Variants in LAMP5 observed in about 807,000 individuals in gnomAD.
The protein encoded by LAMP5 is lysosome associated membrane protein 5.
In LAMP5, 36 loss-of-function variants were observed where a neutral mutation model predicts 30.2. The observed-to-expected ratio is 1.19, with a 90% CI of 0.91 to 1.57. The LOEUF (loss-of-function observed/expected upper bound fraction) is 1.57. Among genes scored for constraint, LAMP5 ranks in the 40% most tolerant of loss-of-function variants. LAMP5 has a pLI of 0.00. For synonymous variants in LAMP5, 149 were observed against 134.6 expected (o/e 1.11, Z -0.74); for missense variants, 377 against 354.9 (o/e 1.06, Z -0.50).
In LAMP5 at chr20:9,518,062, G is replaced by T. The variant is rs770314595; in HGVS notation, c.498G>T (p.Ser166=). 1.2e-6 allele frequency: 2 copies of T among 1,613,866 alleles called. No homozygotes were observed. The highest frequency in any genetic ancestry group is 1.7e-6 in the Non-Finnish European group (2 of 1,180,010). ...TAGCTGGGAAGCACACAGCCAACTCGCACCACCTCTCTGCCTTGGTCACCC... is the reference window on the plus strand; with the variant it reads ...TAGCTGGGAAGCACACAGCCAACTCTCACCACCTCTCTGCCTTGGTCACCC... ...AVSAGKHTAN[S]HHLSALVTPA... is the part of the protein sequence containing the mutation. Residue 166 remains serine (S), a synonymous_variant, in exon 5 of 6, where the codon TCG becomes TCT. Transcript: ENST00000246070.
chr20:9,525,415 G>A (rs2045105917), intron 5 of LAMP5, among the ~76,000 whole-genome samples: 1 of 152,038 alleles, frequency 6.6e-6, no homozygotes, highest in African/African-American at 2.4e-5. Flanking sequence ...CTGTAAATTA[G>A]GTGTCATATC....
chr20:9,524,565 A>G (rs1382361472), intron 5 of LAMP5, among the ~76,000 whole-genome samples: 1 of 146,932 alleles, frequency 6.8e-6, no homozygotes, highest in East Asian at 2.0e-4. Flanking sequence ...TTATGGGTTC[A>G]TAATCCCTCA....
intron 1 of LAMP5, 153 bp downstream of exon 1, chr20:9,515,069 C>T: frequency 1.4e-6 from 1 of 698,146 alleles, no homozygotes; most frequent in Non-Finnish European, 2.5e-6. Context: ...GGAGGGAGGG[C>T]CTTCCTCGCC....
Position 9,529,974 on chromosome 20 carries a change from T to C in LAMP5, c.*154T>C, listed in dbSNP as rs1455603705. ...GGCTTGCTTGGCTTGTGTCCATGCT[T>C]AAACCCACGGAAGGGGGAGACTCTT... On this transcript the variant is annotated 3_prime_UTR_variant, in exon 6 of 6. Transcript: ENST00000246070. 3 of 659,954 alleles carry C rather than the reference T, an allele frequency of 4.5e-6. No individual in the cohort carries two copies. Among genetic ancestry groups the C allele is most frequent in the Admixed American group, 3.0e-5 (1 of 33,798 alleles). 40.9% of individuals were successfully genotyped at this position (659,954 alleles called of 1,614,324 possible).
intron 5 of LAMP5, among the ~76,000 whole-genome samples, chr20:9,524,616 A>AG (rs773669069): frequency 7.4e-6 from 1 of 135,508 alleles, no homozygotes; most frequent in Non-Finnish European, 1.5e-5. Context: ...AAAAAAAAAA[A>AG]CAAACAAAAA....
At position 9,516,098 on chromosome 20, in the gene LAMP5, T is replaced by C; in HGVS notation, c.336T>C (p.Asp112=). 1 of 1,550,826 alleles carries C rather than the reference T, an allele frequency of 6.4e-7. No individual in the cohort carries two copies. Among genetic ancestry groups the C allele is most frequent in the Non-Finnish European group, 8.7e-7 (1 of 1,154,490 alleles). ...SQSELQVFWV[D]RAYALKMLFV... ...CGGAGCTGCAAGTGTTCTGGGTGGA[T>C]CGCGCATATGCACTCAAAATGCTCT... The change falls in exon 3 of 6, where the codon GAT becomes GAC. Residue 112 remains aspartate, a synonymous_variant. Transcript: ENST00000246070.
At chr20:9,527,250 G>A (rs1270430169) in intron 5 of LAMP5, among the ~76,000 whole-genome samples, 1 of 151,996 alleles carries the variant, frequency 6.6e-6, no homozygotes, top group Non-Finnish European at 1.5e-5. Context: ...TTCAGATCAG[G>A]CTTCATTTAC....
At chr20:9,515,738 C>T in intron 2 of LAMP5, 113 bp downstream of exon 2, 2 of 1,207,070 alleles carry the variant, frequency 1.7e-6, no homozygotes, top group Non-Finnish European at 1.2e-6. Context: ...CACACCCCGG[C>T]AGGCTGCTCC....
rs57044542 is a variant in LAMP5 at position 9,526,858 on chromosome 20, GTGTATATATATATATATA to G, written c.665-2782_665-2765del. Among the ~76,000 whole-genome samples the G allele has an allele frequency of 7.2e-3, 653 of 90,650 alleles. 11 individuals are homozygous for G. The highest frequency in any genetic ancestry group is 0.022 in the African/African-American group (560 of 25,276). 59.5% of individuals were successfully genotyped at this position (90,650 alleles called of 152,430 possible). ...TAGATACATATACATATGTGTGTGT[GTGTATATATATATATATA>G]TATATATATATATATATATATATAT... On this transcript the variant is annotated intron_variant, in intron 5 of 5. Transcript: ENST00000246070.
intron 5 of LAMP5, among the ~76,000 whole-genome samples, chr20:9,518,752 G>A (rs926475): frequency 0.73 from 110,741 of 152,242 alleles, 40,365 homozygotes; most frequent in South Asian, 0.83. Flanking sequence ...TTGTTCTCTC[G>A]GATACTTCTA....
chr20:9,515,429 G>C lies in LAMP5; in HGVS notation c.65-24G>C, dbSNP rs746113219. ...CGCGTGGGCTGAGCCCTGAACTGAT[G>C]GAATTGTTTTGTTTGTTCCGCAGAT... On this transcript the variant is annotated intron_variant, in intron 1 of 5. Coordinates refer to ENST00000246070, the MANE Select transcript of LAMP5 (RefSeq NM_012261.4). 2.5e-6 allele frequency: 4 copies of C among 1,606,748 alleles called. No homozygotes were observed. The African/African-American group carries it at 5.3e-5, about 21-fold the overall frequency.
At chr20:9,515,412 C>T in intron 1 of LAMP5, 41 bp from the exon 2 acceptor site, 4 of 1,580,940 alleles carry the variant, frequency 2.5e-6, no homozygotes, top group Middle Eastern at 1.7e-4. Context: ...GACGCGTGGG[C>T]TGAGCCCTGA....
chr20:9,518,827 G>A (rs936104837), intron 5 of LAMP5, among the ~76,000 whole-genome samples: 20 of 152,324 alleles, frequency 1.3e-4, no homozygotes, highest in African/African-American at 4.3e-4. Context: ...GGGTGGGTGC[G>A]TATGCACAGA....
chr20:9,518,232 AGTT>A lies in LAMP5; in HGVS notation c.664+9_664+11del. 6.2e-7 allele frequency: 1 copy of A among 1,613,656 alleles called. No homozygotes were observed. The highest frequency in any genetic ancestry group is 1.7e-4 in the Middle Eastern group (1 of 6,058). ...TCAGATTTTGTCTTCAGTGAAGGTA[AGTT>A]GTTGGGGGATGGAGGGGAAGAAGAC... On this transcript the variant is annotated splice_donor_5th_base_variant and intron_variant, in intron 5 of 5. Transcript: ENST00000246070.
chr20:9,528,694 T>C (rs1001495223), intron 5 of LAMP5, among the ~76,000 whole-genome samples: 1 of 152,212 alleles, frequency 6.6e-6, no homozygotes, highest in African/African-American at 2.4e-5. Context: ...TTTGCAACCA[T>C]GTAAACATCT....
intron 4 of LAMP5, 39 bp from the exon 5 acceptor site, chr20:9,518,001 A>G (rs368702066): frequency 8.2e-5 from 62 of 759,178 alleles, no homozygotes; most frequent in Non-Finnish European, 1.1e-4. Context: ...GGTTAGGAAC[A>G]ATGAGGGTTC....
chr20:9,529,266 A>G (rs541189082), intron 5 of LAMP5, among the ~76,000 whole-genome samples: 1 of 152,306 alleles, frequency 6.6e-6, no homozygotes, highest in East Asian at 1.9e-4. Context: ...TGAAACTTAC[A>G]TATTTTTATA....
rs2045138567 is a variant in LAMP5, at chr20:9,529,835, G to A, written c.*15G>A. 6.2e-7 allele frequency: 1 copy of A among 1,612,594 alleles called. No individual in the cohort carries two copies. The highest frequency in any genetic ancestry group is 1.3e-5 in the African/African-American group (1 of 74,870). ...ACATGGGCTAGAGGCCGTTAGGCAG[G>A]CACCCCCTATTCCTGCTCCCCCAAC... On this transcript the variant is annotated 3_prime_UTR_variant, in exon 6 of 6. Transcript: ENST00000246070.
chr20:9,524,429 A>G (rs2122842882), intron 5 of LAMP5, among the ~76,000 whole-genome samples: 1 of 151,796 alleles, frequency 6.6e-6, no homozygotes, highest in East Asian at 1.9e-4. Context: ...CTTCTGCTTT[A>G]GTTCTCTGCA....
Sources: allele counts gnomAD v4.1 joint callset (sites outside exome capture counted in the v4.1 genomes callset), GRCh38; gene constraint gnomAD v4.1.1; transcripts MANE v1.5; gene names NCBI Gene and HGNC (gene_info 2026-07-23, HGNC 2026-07-21).